Variants in MIPOL1 observed in about 807,000 individuals in gnomAD.
The protein encoded by MIPOL1 is mirror-image polydactyly 1.
A neutral mutation model predicts 60.9 loss-of-function variants in MIPOL1; 57 were observed. The observed-to-expected ratio is 0.94, with a 90% CI of 0.76 to 1.17. The LOEUF is 1.17. Ranked by LOEUF, MIPOL1 falls within the 50% of genes most tolerant of loss-of-function variation. The pLI is 0.00. For synonymous variants in MIPOL1, 179 were observed against 168.8 expected (o/e 1.06, Z -0.47); for missense variants, 551 against 511.6 (o/e 1.08, Z -0.74).
At chr14:37,517,817 G>A (rs2095381914) in intron 12 of MIPOL1, among the ~76,000 whole-genome samples, 1 of 152,088 alleles carries the variant, frequency 6.6e-6, no homozygotes, top group Non-Finnish European at 1.5e-5. Flanking sequence ...AAAAGGAACA[G>A]GAAAGATCAG....
Position 37,359,865 on chromosome 14 carries a change from G to T in MIPOL1, c.829-9652G>T, listed in dbSNP as rs76892842. ...GAACTTCCAACACTATGTTAAATAGGAGTGGTGAGAGAGGGCATCCTTGTC... is the reference window on the plus strand; with the variant it reads ...GAACTTCCAACACTATGTTAAATAGTAGTGGTGAGAGAGGGCATCCTTGTC... On this transcript the variant is annotated intron_variant, in intron 9 of 12. Coordinates refer to ENST00000684589, the MANE Select transcript of MIPOL1 (RefSeq NM_001388067.1). Among the ~76,000 whole-genome samples, 6 of 152,282 alleles carry T rather than the reference G, an allele frequency of 3.9e-5. No individual in the cohort carries two copies. The South Asian group carries it at 1.2e-3, about 32-fold the overall frequency.
chr14:37,444,912 G>T (rs1043588886), intron 11 of MIPOL1, among the ~76,000 whole-genome samples: 1 of 152,136 alleles, frequency 6.6e-6, no homozygotes, highest in African/African-American at 2.4e-5. Flanking sequence ...ATTCAGTATT[G>T]ATGGGATGTA....
At chr14:37,515,627 G>T (rs1941463302) in intron 12 of MIPOL1, among the ~76,000 whole-genome samples, 1 of 152,082 alleles carries the variant, frequency 6.6e-6, no homozygotes, top group Admixed American at 6.6e-5. Context: ...TTAGTATCTT[G>T]AAAAATCTTT....
intron 1 of MIPOL1, among the ~76,000 whole-genome samples, chr14:37,230,105 A>G (rs1350048659): frequency 6.6e-6 from 1 of 152,222 alleles, no homozygotes; most frequent in African/African-American, 2.4e-5. Flanking sequence ...GATAATGCAT[A>G]TGTTAATTAG....
chr14:37,298,255 A>C (rs968365826), intron 7 of MIPOL1, among the ~76,000 whole-genome samples: 2 of 152,240 alleles, frequency 1.3e-5, no homozygotes, highest in Non-Finnish European at 2.9e-5. Context: ...CATATGTGGA[A>C]AGCTGAAACT....
chr14:37,378,676 G>T (rs1237786963), intron 10 of MIPOL1, among the ~76,000 whole-genome samples: 2 of 151,466 alleles, frequency 1.3e-5, no homozygotes, highest in Non-Finnish European at 3.0e-5. Context: ...ATGTAAGAAG[G>T]AAGGGATGAA....
intron 11 of MIPOL1, among the ~76,000 whole-genome samples, chr14:37,486,736 A>G (rs1566695723): frequency 6.6e-6 from 1 of 152,258 alleles, no homozygotes; most frequent in East Asian, 1.9e-4. Context: ...GGCTGAGACG[A>G]TGGGGTTTTC....
chr14:37,482,420 G>A (rs1361731824), intron 11 of MIPOL1, among the ~76,000 whole-genome samples: 1 of 152,150 alleles, frequency 6.6e-6, no homozygotes, highest in Non-Finnish European at 1.5e-5. Context: ...TTTTCACACT[G>A]CTGTCAAGAA....
At chr14:37,248,362 C>A (rs1973520184) in intron 3 of MIPOL1, among the ~76,000 whole-genome samples, 1 of 151,704 alleles carries the variant, frequency 6.6e-6, no homozygotes, top group Non-Finnish European at 1.5e-5. Flanking sequence ...TGACACACAC[C>A]TGGAGGCACA....
intron 9 of MIPOL1, among the ~76,000 whole-genome samples, chr14:37,323,987 C>T (rs540314562): frequency 8.7e-4 from 132 of 151,834 alleles, no homozygotes; most frequent in Non-Finnish European, 1.4e-3. Context: ...TTGGATTTGT[C>T]CAGTTTTTAT....
chr14:37,339,239 A>G (rs531813072), intron 9 of MIPOL1, among the ~76,000 whole-genome samples: 4 of 152,364 alleles, frequency 2.6e-5, no homozygotes, highest in South Asian at 4.1e-4. Flanking sequence ...TCAGGAAAAC[A>G]TAAATTTAAA....
At chr14:37,270,942 A>G (rs1294005103) in intron 6 of MIPOL1, among the ~76,000 whole-genome samples, 2 of 152,078 alleles carry the variant, frequency 1.3e-5, no homozygotes, top group Non-Finnish European at 2.9e-5. Context: ...ATTCATTGCC[A>G]ATGGAAACCT....
intron 9 of MIPOL1, among the ~76,000 whole-genome samples, chr14:37,337,480 T>C (rs1286082338): frequency 6.8e-6 from 1 of 146,788 alleles, no homozygotes; most frequent in African/African-American, 2.5e-5. Context: ...GTGGTTCTCC[T>C]GCCTCAGCCT....
At chr14:37,532,795 G>A in intron 12 of MIPOL1, among the ~76,000 whole-genome samples, 1 of 152,090 alleles carries the variant, frequency 6.6e-6, no homozygotes, top group East Asian at 1.9e-4. Flanking sequence ...ATGAGTAGTT[G>A]CTGTAAATAT....
intron 9 of MIPOL1, among the ~76,000 whole-genome samples, chr14:37,367,465 T>C (rs2092509429): frequency 6.6e-6 from 1 of 152,070 alleles, no homozygotes; most frequent in South Asian, 2.1e-4. Context: ...TCCCTATTCC[T>C]GGGTGATTTC....
intron 9 of MIPOL1, among the ~76,000 whole-genome samples, chr14:37,368,380 T>C (rs1205287636): frequency 1.3e-5 from 2 of 152,018 alleles, no homozygotes; most frequent in East Asian, 3.9e-4. Flanking sequence ...GAAATATTGA[T>C]ACGTACTGCC....
intron 1 of MIPOL1, chr14:37,240,677 G>C (rs143343714): frequency 7.2e-5 from 11 of 152,182 alleles, no homozygotes; most frequent in African/African-American, 1.7e-4. Flanking sequence ...CCTGGTATGC[G>C]ATTACCTTCT....
At chr14:37,461,693 G>T (rs1412046408) in intron 11 of MIPOL1, among the ~76,000 whole-genome samples, 1 of 152,094 alleles carries the variant, frequency 6.6e-6, no homozygotes, top group East Asian at 1.9e-4. Context: ...GGAGAAATTG[G>T]CCAAAACAAA....
intron 10 of MIPOL1, among the ~76,000 whole-genome samples, chr14:37,414,500 C>T (rs2093730998): frequency 6.6e-6 from 1 of 152,194 alleles, no homozygotes; most frequent in African/African-American, 2.4e-5. Flanking sequence ...AATATCTCTT[C>T]ATGTCTTTTC....
Sources: gnomAD v4.1 joint callset for allele counts (sites outside exome capture counted in the v4.1 genomes callset) on GRCh38, gnomAD v4.1.1 for gene constraint, MANE v1.5 for transcripts, NCBI Gene and HGNC (gene_info 2026-07-23, HGNC 2026-07-21) for gene names.